The following UNC5D variants were observed in gnomAD, a reference collection of about 807,000 sequenced individuals.
UNC5D encodes unc-5 netrin receptor D, also known as netrin receptor UNC5D.
A neutral mutation model predicts 105.4 loss-of-function variants in UNC5D; 39 were observed. That is an observed-to-expected ratio of 0.37 (90% confidence interval 0.29 to 0.48). The LOEUF is 0.48. Ranked by LOEUF, UNC5D falls within the 20% of genes least tolerant of loss-of-function variation. UNC5D has a pLI of 0.98. For missense variants in UNC5D, 991 were observed against 1,202.4 expected, an observed-to-expected ratio of 0.82 and a Z score of 2.60; for synonymous variants, 452 against 450.4, an observed-to-expected ratio of 1.00 and a Z score of -0.04.
At chr8:35,765,113 G>A (rs1222381230) in intron 14 of UNC5D, among the ~76,000 whole-genome samples, 1 of 152,208 alleles carries the variant, frequency 6.6e-6, no homozygotes. Flanking sequence ...CACCTTTCTT[G>A]GGCTGTCAGT....
intron 1 of UNC5D, among the ~76,000 whole-genome samples, chr8:35,489,154 G>A (rs1012885140): frequency 2.0e-5 from 3 of 151,964 alleles, no homozygotes; most frequent in East Asian, 1.9e-4. Context: ...CTACAAGTCC[G>A]TGCTGCCACA....
chr8:35,239,453 G>A lies in UNC5D; in HGVS notation c.103+3566G>A, dbSNP rs565485866. On this transcript the variant is annotated intron_variant, in intron 1 of 16. Transcript: ENST00000404895. ...ACTGCCAGTGTTTATCAGGGAATTG[G>A]TTTATTGGGAGATACTGCATGTTTG... Among the ~76,000 whole-genome samples, 3 of 150,176 alleles carry A rather than the reference G, an allele frequency of 2.0e-5. No individual in the cohort carries two copies. In the East Asian group the frequency reaches 5.9e-4, roughly 29 times the overall value.
intron 1 of UNC5D, among the ~76,000 whole-genome samples, chr8:35,330,672 C>G (rs920945950): frequency 2.0e-5 from 3 of 152,052 alleles, no homozygotes; most frequent in African/African-American, 7.2e-5. Flanking sequence ...GTTTGGAAAT[C>G]TGAAATATAC....
chr8:35,608,474 A>G (rs1586240439), intron 4 of UNC5D, among the ~76,000 whole-genome samples: 2 of 152,208 alleles, frequency 1.3e-5, no homozygotes, highest in South Asian at 2.1e-4. Flanking sequence ...TGTTACGTGC[A>G]TAGGTTGCAT....
At chr8:35,276,674 T>C (rs903881603) in intron 1 of UNC5D, among the ~76,000 whole-genome samples, 6 of 152,180 alleles carry the variant, frequency 3.9e-5, no homozygotes, top group African/African-American at 1.2e-4. Flanking sequence ...ATCAGGGGAA[T>C]TTTTGCATGA....
rs1267581553 is a variant in UNC5D at position 35,465,390 on chromosome 8, CAA to C, written c.104-83899_104-83898del. Among the ~76,000 whole-genome samples, 513 of 152,116 alleles carry C rather than the reference CAA, an allele frequency of 3.4e-3. 8 individuals are homozygous for C. Among genetic ancestry groups the C allele is most frequent in the African/African-American group, 0.012 (483 of 41,502 alleles). On this transcript the variant is annotated intron_variant, in intron 1 of 16. Coordinates refer to ENST00000404895, the MANE Select transcript of UNC5D (RefSeq NM_080872.4). ...TGGGCAACAGAGCAAGACCCAACCTCAAAAGAATATTGTATGCTCAAAAGCCA... is the reference window on the plus strand; with the variant it reads ...TGGGCAACAGAGCAAGACCCAACCTCAAGAATATTGTATGCTCAAAAGCCA...
chr8:35,636,919 G>A (rs905738796), intron 4 of UNC5D, among the ~76,000 whole-genome samples: 1 of 152,212 alleles, frequency 6.6e-6, no homozygotes, highest in Admixed American at 6.5e-5. Flanking sequence ...GTTGCCTAGT[G>A]AGACCAGGAC....
At position 35,271,699 on chromosome 8, in the gene UNC5D, GTATACATATATATTTATACATGTATACAT is replaced by G. The variant is rs1563268179; in HGVS notation, c.103+35813_103+35841del. Among the ~76,000 whole-genome samples the G allele has an allele frequency of 9.9e-3, 231 of 23,318 alleles. 17 individuals are homozygous for G. Among genetic ancestry groups the G allele is most frequent in the African/African-American group, 0.024 (215 of 8,874 alleles). The allele number at this position is 23,318 out of a possible 152,430, so 15.3% of individuals were successfully genotyped here. On this transcript the variant is annotated intron_variant, in intron 1 of 16. Coordinates refer to ENST00000404895, the MANE Select transcript of UNC5D (RefSeq NM_080872.4). ...CATATATATGTATACATGTATACAT[GTATACATATATATTTATACATGTATACAT>G]GTATACATATATATTTATACATGTA... is the stretch of plus-strand genomic sequence containing the variant.
chr8:35,705,898 AAC>A (rs1827545133), intron 7 of UNC5D, 29 bp from the exon 8 acceptor site: 2 of 1,305,186 alleles, frequency 1.5e-6, no homozygotes, highest in Non-Finnish European at 2.1e-6. Flanking sequence ...TATTAAATGC[AAC>A]TTTCTTTTTC....
At chr8:35,633,324 A>G (rs1039146658) in intron 4 of UNC5D, among the ~76,000 whole-genome samples, 3 of 152,206 alleles carry the variant, frequency 2.0e-5, no homozygotes, top group African/African-American at 4.8e-5. Context: ...CCTGTGTCTC[A>G]TCTTTTTCTG....
In UNC5D at chr8:35,686,632, C is replaced by G. The variant is rs773379186; in HGVS notation, c.1007C>G (p.Pro336Arg). 6.2e-7 allele frequency: 1 copy of G among 1,606,852 alleles called. No homozygotes were observed. The highest frequency in any genetic ancestry group is 2.3e-5 in the East Asian group (1 of 44,392). Residue 336 changes from proline to arginine, a missense_variant, in exon 7 of 17, where the codon CCC (proline) becomes CGC (arginine). This residue lies in a region of UNC5D where 944 missense variants were observed against 1,131.6 expected (regional missense o/e 0.83). Coordinates refer to ENST00000404895, the MANE Select transcript of UNC5D (RefSeq NM_080872.4). The part of the protein sequence containing the change: ...HLRIRECTAP[P>R]PRNGGKFCEG... ...CGGATCCGGGAGTGCACAGCACCAC[C>G]CCCGAGAAATGGGGGCAAATTCTGT...
chr8:35,706,193 C>A (rs1033312304), intron 8 of UNC5D, among the ~76,000 whole-genome samples: 23 of 152,172 alleles, frequency 1.5e-4, no homozygotes, highest in Non-Finnish European at 1.9e-4. Context: ...TTCTTTCTGC[C>A]TATAAGTCCA....
At chr8:35,393,095 T>A (rs1437452806) in intron 1 of UNC5D, among the ~76,000 whole-genome samples, 1 of 150,040 alleles carries the variant, frequency 6.7e-6, no homozygotes, top group Non-Finnish European at 1.5e-5. Context: ...ATCATGCAAA[T>A]GTAACTAAAT....
chr8:35,576,587 T>C (rs1468071275), intron 3 of UNC5D, among the ~76,000 whole-genome samples: 2 of 152,218 alleles, frequency 1.3e-5, no homozygotes, highest in African/African-American at 4.8e-5. Context: ...AGGTGAGATA[T>C]GGACTAACAG....
Position 35,339,389 on chromosome 8 carries a change from AGTAAAAT to A in UNC5D, c.103+103513_103+103519del, listed in dbSNP as rs1183358279. Among the ~76,000 whole-genome samples the A allele has an allele frequency of 3.3e-5, 5 of 152,380 alleles. No homozygotes were observed. In the East Asian group the frequency reaches 9.6e-4, roughly 29 times the overall value. ...AGGTCGTGAACATGGTGGCATATCC[AGTAAAAT>A]GTAAAATGTAGTGGGACTCATTTAT... On this transcript the variant is annotated intron_variant, in intron 1 of 16. Coordinates refer to ENST00000404895, the MANE Select transcript of UNC5D (RefSeq NM_080872.4).
At chr8:35,742,942 T>C (rs965205763) in intron 11 of UNC5D, among the ~76,000 whole-genome samples, 1 of 152,200 alleles carries the variant, frequency 6.6e-6, no homozygotes, top group Non-Finnish European at 1.5e-5. Context: ...CATTAATCAG[T>C]GGCCCCACTG....
intron 3 of UNC5D, among the ~76,000 whole-genome samples, chr8:35,588,383 A>G (rs1473480860): frequency 2.0e-5 from 3 of 152,182 alleles, no homozygotes; most frequent in Non-Finnish European, 2.9e-5. Flanking sequence ...TTAAGCCAGT[A>G]CAAGTCTGAT....
rs371306720 is a variant in UNC5D at position 35,782,536 on chromosome 8, C to G, written c.2658-7823C>G. Among the ~76,000 whole-genome samples, 33 of 148,158 alleles carry G rather than the reference C, an allele frequency of 2.2e-4. 1 individual carries two copies. In the South Asian group the frequency reaches 5.6e-3, roughly 25 times the overall value. ...TTTTTTTTTTTGAGACGGAGTCTCA[C>G]CCTGTCACCCAGGCTGGAGTGCAAT... On this transcript the variant is annotated intron_variant, in intron 16 of 16. Coordinates refer to ENST00000404895, the MANE Select transcript of UNC5D (RefSeq NM_080872.4).
At chr8:35,539,863 CTT>C (rs1369064310) in intron 1 of UNC5D, among the ~76,000 whole-genome samples, 1 of 152,110 alleles carries the variant, frequency 6.6e-6, no homozygotes, top group East Asian at 1.9e-4. Context: ...CGTTTTCCCT[CTT>C]TTGTTTCGTC....
Sources: allele counts gnomAD v4.1 joint callset (sites outside exome capture counted in the v4.1 genomes callset), GRCh38; gene constraint gnomAD v4.1.1; regional missense constraint gnomAD v4.1.1; transcripts MANE v1.5; gene names NCBI Gene and HGNC (gene_info 2026-07-23, HGNC 2026-07-21).